The following UGT2A3 variants were observed in gnomAD, a reference collection of about 807,000 sequenced individuals.
UGT2A3 encodes UDP glucuronosyltransferase family 2 member A3, also known as UDP-glucuronosyltransferase 2A3.
Under a neutral mutation model 44.1 loss-of-function variants are expected in UGT2A3, and 55 were observed. That is an observed-to-expected ratio of 1.25 (90% CI 1.00 to 1.56). The LOEUF is 1.56. Among genes scored for constraint, UGT2A3 ranks in the 40% most tolerant of loss-of-function variants. The pLI, the probability that UGT2A3 is intolerant of heterozygous loss-of-function variation, is 0.00. For synonymous variants in UGT2A3, 243 were observed against 215.1 expected, an observed-to-expected ratio of 1.13 and a Z score of -1.13; for missense variants, 733 against 621.6, an observed-to-expected ratio of 1.18 and a Z score of -1.91.
At chr4:68,930,167 A>G (rs1717676111) in intron 5 of UGT2A3, 75 bp from the exon 6 acceptor site, 2 of 1,450,890 alleles carry the variant, frequency 1.4e-6, no homozygotes, top group Non-Finnish European at 9.3e-7. Flanking sequence ...GATAAACCGT[A>G]GTATATGTTA....
intron 1 of UGT2A3, 146 bp downstream of exon 1, chr4:68,950,900 C>A (rs913294048): frequency 8.3e-5 from 47 of 564,290 alleles, no homozygotes; most frequent in Non-Finnish European, 1.8e-5. Context: ...ACGCTTAGAA[C>A]AAATACACTT....
intron 1 of UGT2A3, 131 bp downstream of exon 1, chr4:68,950,915 T>C (rs1439961511): frequency 3.3e-6 from 2 of 614,380 alleles, no homozygotes; most frequent in Middle Eastern, 4.3e-4. Context: ...ACACTTTCTT[T>C]ATGAAAAACA....
rs139412067 is a variant in UGT2A3, at chr4:68,937,426, T to C, written c.865-4667A>G. The stretch of plus-strand genomic sequence containing the variant: ...AGAAACTCACTCAAAACTGCACAAC[T>C]ACATAGAAACTGAGTAACCTGCACC... On this transcript the variant is annotated intron_variant, in intron 2 of 5. Coordinates refer to ENST00000251566, the MANE Select transcript of UGT2A3 (RefSeq NM_024743.4). Among the ~76,000 whole-genome samples, 827 of 152,238 alleles carry C rather than the reference T, an allele frequency of 5.4e-3. 9 individuals carry two copies. The highest frequency in any genetic ancestry group is 0.019 in the African/African-American group (789 of 41,546).
Position 68,930,766 on chromosome 4 carries a change from C to A in UGT2A3, c.1085-1G>T. On this transcript the variant is annotated splice_acceptor_variant, in intron 4 of 5. Coordinates refer to ENST00000251566, the MANE Select transcript of UGT2A3 (RefSeq NM_024743.4). LOFTEE classifies it high-confidence loss of function. ...ATAAAAGCTTTGGTTTTGGGATGAC[C>A]TAGTATGTAAATTGGATGAGAAATG... 4 of 1,573,814 alleles carry A rather than the reference C, an allele frequency of 2.5e-6. No individual in the cohort carries two copies. In the South Asian group the frequency reaches 3.6e-5, roughly 14 times the overall value.
rs1159359597 is a variant in UGT2A3 at position 68,929,193 on chromosome 4, G to GA, written c.*619dup. On this transcript the variant is annotated 3_prime_UTR_variant, in exon 6 of 6. Coordinates refer to ENST00000251566, the MANE Select transcript of UGT2A3 (RefSeq NM_024743.4). The stretch of plus-strand genomic sequence containing the variant: ...AGGTCTTTTTATCATCAAGAAAACA[G>GA]AAAAAAGTATTGGTTGAGTGATGGC... The GA allele has an allele frequency of 6.6e-6, 1 of 152,106 alleles. No individual in the cohort carries two copies. The highest frequency in any genetic ancestry group is 1.5e-5 in the Non-Finnish European group (1 of 67,954). The allele number at this position is 152,106 out of a possible 1,614,324, so 9.4% of individuals were successfully genotyped here.
chr4:68,945,459 A>G lies in UGT2A3; in HGVS notation c.716-5T>C, dbSNP rs143875405. 6,540 of 1,587,742 alleles carry G rather than the reference A, an allele frequency of 4.1e-3. 253 individuals carry two copies. The South Asian group carries it at 0.062, about 15-fold the overall frequency. ...CACATAATGTAGTGGGCCTTCCTCAATAAAAGAAATAACAGAATGAATTAG... is the reference window on the plus strand; with the variant it reads ...CACATAATGTAGTGGGCCTTCCTCAGTAAAAGAAATAACAGAATGAATTAG... On this transcript the variant is annotated splice_polypyrimidine_tract_variant and splice_region_variant and intron_variant, in intron 1 of 5. Transcript: ENST00000251566.
chr4:68,936,474 G>A (rs1717956133), intron 2 of UGT2A3, among the ~76,000 whole-genome samples: 1 of 152,034 alleles, frequency 6.6e-6, no homozygotes, highest in Admixed American at 6.6e-5. Flanking sequence ...TTTCATAAGT[G>A]AAGAAGAAAT....
At position 68,930,533 on chromosome 4, in the gene UGT2A3, C is replaced by A. The variant is rs376041906; in HGVS notation, c.1304+13G>T. ...TCAATGTTAGATCAGTCTGTACAAG[C>A]AGTAGTACTTACGAGGAATCGGTAA... On this transcript the variant is annotated intron_variant, in intron 5 of 5. Transcript: ENST00000251566. 8 of 1,595,480 alleles carry A rather than the reference C, an allele frequency of 5.0e-6. No homozygotes were observed. The highest frequency in any genetic ancestry group is 6.8e-6 in the Non-Finnish European group (8 of 1,169,652).
At chr4:68,947,629 C>T (rs1279452251) in intron 1 of UGT2A3, among the ~76,000 whole-genome samples, 1 of 151,750 alleles carries the variant, frequency 6.6e-6, no homozygotes, top group East Asian at 1.9e-4. Context: ...TTTCAATATA[C>T]TTTCCCCATT....
At position 68,951,418 on chromosome 4, in the gene UGT2A3, C is replaced by CA. The variant is rs763425928; in HGVS notation, c.342dup (p.Val115CysfsTer2). 18 of 1,610,802 alleles carry CA rather than the reference C, an allele frequency of 1.1e-5. No homozygotes were observed. The highest frequency in any genetic ancestry group is 2.2e-5 in the East Asian group (1 of 44,664). Reference sequence around the variant, plus strand: ...ATTTTTAAAGTTCCTCTTATTTCAACAAAAAAATCATTTAATTTTATAACT... The same window carrying CA: ...ATTTTTAAAGTTCCTCTTATTTCAACAAAAAAAATCATTTAATTTTATAACT... On this transcript the variant is annotated frameshift_variant, in exon 1 of 6. Transcript: ENST00000251566. LOFTEE classifies it high-confidence loss of function.
intron 2 of UGT2A3, among the ~76,000 whole-genome samples, chr4:68,935,744 T>C (rs1717927732): frequency 6.6e-6 from 1 of 151,930 alleles, no homozygotes; most frequent in Non-Finnish European, 1.5e-5. Context: ...CTTCAGAAAG[T>C]CTGTAATAAC....
intron 2 of UGT2A3, among the ~76,000 whole-genome samples, chr4:68,937,415 A>C (rs1717993367): frequency 6.6e-6 from 1 of 152,132 alleles, no homozygotes; most frequent in African/African-American, 2.4e-5. Flanking sequence ...ACTCACTCAA[A>C]ACTGCACAAC....
In UGT2A3 at chr4:68,951,688, T is replaced by C; in HGVS notation, c.73A>G (p.Lys25Glu). 1 of 1,611,430 alleles carries C rather than the reference T, an allele frequency of 6.2e-7. No homozygotes were observed. The change falls in exon 1 of 6, where the codon AAA (lysine) becomes GAA (glutamate). Residue 25 changes from lysine (K) to glutamate (E), a missense_variant. Lys to Glu is a moderately conservative substitution (Grantham distance 56, BLOSUM62 1). Coordinates refer to ENST00000251566, the MANE Select transcript of UGT2A3 (RefSeq NM_024743.4). ...LFCVGCGFCG[K>E]VLVWPCDMSH... is the part of the protein sequence containing the mutation. Reference sequence around the variant, plus strand: ...ATGTCACAGGGCCACACCAGGACTTTCCCACAGAATCCACAGCCAACACAG... The same window carrying C: ...ATGTCACAGGGCCACACCAGGACTTCCCCACAGAATCCACAGCCAACACAG...
chr4:68,951,101 G>C lies in UGT2A3; in HGVS notation c.660C>G (p.Phe220Leu). The change falls in exon 1 of 6, where the codon TTC becomes TTG. Residue 220 changes from phenylalanine to leucine, a missense_variant. Phe to Leu is a conservative substitution (Grantham distance 22). Transcript: ENST00000251566. The part of the protein sequence containing the change: ...KNSMLSVLFH[F>L]WIQDYDYHFW... ...AATGATAGTCGTAATCCTGAATCCA[G>C]AAGTGGAACAAAACTGAAAGCATTG... is the stretch of plus-strand genomic sequence containing the variant. 6.2e-7 allele frequency: 1 copy of C among 1,610,442 alleles called. No individual in the cohort carries two copies. The highest frequency in any genetic ancestry group is 1.1e-5 in the South Asian group (1 of 90,622).
intron 2 of UGT2A3, chr4:68,943,476 G>A (rs58275525): frequency 0.011 from 4,404 of 392,668 alleles, 204 homozygotes; most frequent in African/African-American, 0.088. Flanking sequence ...AATCCTACTG[G>A]CTCTGAAACC....
intron 1 of UGT2A3, among the ~76,000 whole-genome samples, chr4:68,946,339 C>T (rs1718383981): frequency 6.6e-6 from 1 of 151,482 alleles, no homozygotes; most frequent in African/African-American, 2.4e-5. Flanking sequence ...GTGTGGAGAG[C>T]CTCTTTTTAA....
intron 3 of UGT2A3, among the ~76,000 whole-genome samples, chr4:68,932,372 C>A (rs868662280): frequency 5.3e-5 from 8 of 151,242 alleles, no homozygotes; most frequent in Admixed American, 2.0e-4. Context: ...TTTTAGATTT[C>A]AAATCCTAAA....
intron 2 of UGT2A3, among the ~76,000 whole-genome samples, chr4:68,941,603 A>AG (rs1718188541): frequency 1.3e-5 from 2 of 151,974 alleles, no homozygotes; most frequent in South Asian, 4.1e-4. Context: ...ATAGGACTTC[A>AG]GAAGCACAGC....
rs144209047 is a variant in UGT2A3 at position 68,945,324 on chromosome 4, A to G, written c.846T>C (p.Pro282=). ...GTCCTACCTTAGGCAAAGCTTTGGC[A>G]GGTTTACAGTGCAATCCTCCAACAA... is the stretch of plus-strand genomic sequence containing the variant. ...FEFVGGLHCK[P]AKALPKEMEN... is the part of the protein sequence containing the mutation. Residue 282 remains proline (P), a synonymous_variant, in exon 2 of 6, where the codon CCT becomes CCC. Coordinates refer to ENST00000251566, the MANE Select transcript of UGT2A3 (RefSeq NM_024743.4). The G allele has an allele frequency of 1.3e-4, 206 of 1,611,332 alleles. 1 individual carries two copies. The African/African-American group carries it at 2.4e-3, about 19-fold the overall frequency.
Sources: gnomAD v4.1 joint callset for allele counts (sites outside exome capture counted in the v4.1 genomes callset) on GRCh38, gnomAD v4.1.1 for gene constraint, MANE v1.5 for transcripts, NCBI Gene and HGNC (gene_info 2026-07-23, HGNC 2026-07-21) for gene names.